The following PI15 variants were observed in gnomAD, a reference collection of about 807,000 sequenced individuals.
The protein encoded by PI15 is 25 kDa trypsin inhibitor.
PI15 carries 18 observed loss-of-function variants against 31.0 expected under a neutral mutation model. The ratio of observed to expected loss-of-function variants is 0.58; its 90% CI spans 0.40 to 0.86. PI15 has a LOEUF of 0.86. PI15 is among the 40% of genes least tolerant of loss of function. The pLI is 0.00. For missense variants in PI15, 282 were observed against 328.1 expected, an observed-to-expected ratio of 0.86 and a Z score of 1.09; for synonymous variants, 118 against 119.1, an observed-to-expected ratio of 0.99 and a Z score of 0.06.
At chr8:74,828,938 A>G (rs950776150) in intron 2 of PI15, among the ~76,000 whole-genome samples, 7 of 152,108 alleles carry the variant, frequency 4.6e-5, no homozygotes, top group African/African-American at 1.7e-4. Flanking sequence ...CCATGACCAC[A>G]GATGATTTAT....
At chr8:74,848,732 T>TATATATATAGAGAGAGAGAG (rs1191072583) in intron 5 of PI15, among the ~76,000 whole-genome samples, 2 of 136,352 alleles carry the variant, frequency 1.5e-5, no homozygotes, top group African/African-American at 5.5e-5. Flanking sequence ...TATATATATA[T>TATATATATAGAGAGAGAGAG]AGAGAGAGAG....
intron 2 of PI15, among the ~76,000 whole-genome samples, chr8:74,836,730 C>T (rs1004459450): frequency 1.9e-4 from 29 of 152,040 alleles, no homozygotes; most frequent in Non-Finnish European, 2.9e-5. Flanking sequence ...AGTAAGTGGT[C>T]AGGCATGCCA....
At chr8:74,840,075 T>C (rs1338832480) in intron 2 of PI15, among the ~76,000 whole-genome samples, 2 of 152,128 alleles carry the variant, frequency 1.3e-5, no homozygotes, top group African/African-American at 2.4e-5. Context: ...AAAATTTCTA[T>C]ATTTTTTGTT....
intron 2 of PI15, among the ~76,000 whole-genome samples, chr8:74,838,476 T>C (rs1476165363): frequency 6.6e-6 from 1 of 152,058 alleles, no homozygotes; most frequent in Non-Finnish European, 1.5e-5. Context: ...CTGGGTATAT[T>C]TCATGATGCG....
At chr8:74,831,135 A>T (rs1192251315) in intron 2 of PI15, among the ~76,000 whole-genome samples, 1 of 152,196 alleles carries the variant, frequency 6.6e-6, no homozygotes, top group East Asian at 1.9e-4. Context: ...AGGTAAGAAC[A>T]TTTTGTTTGT....
intron 2 of PI15, among the ~76,000 whole-genome samples, chr8:74,832,215 T>C (rs568164319): frequency 2.2e-4 from 34 of 152,260 alleles, no homozygotes; most frequent in African/African-American, 7.5e-4. Flanking sequence ...CCAAGGAGGA[T>C]GCCTCCGTTT....
At chr8:74,845,309 C>G in intron 4 of PI15, 49 bp downstream of exon 4, 1 of 1,587,950 alleles carries the variant, frequency 6.3e-7, no homozygotes, top group Non-Finnish European at 8.6e-7. Context: ...TTAAAATATG[C>G]TAATACTATT....
chr8:74,825,168 A>G, intron 1 of PI15, 42 bp from the exon 2 acceptor site: 2 of 1,216,356 alleles, frequency 1.6e-6, no homozygotes, highest in South Asian at 1.3e-5. Context: ...CTCTGGCCCT[A>G]TTTTTTTTCA....
intron 2 of PI15, among the ~76,000 whole-genome samples, chr8:74,838,949 G>A (rs1488493283): frequency 2.0e-5 from 3 of 152,168 alleles, no homozygotes; most frequent in Non-Finnish European, 2.9e-5. Context: ...AAAGACAGTT[G>A]ATAAGACAGC....
chr8:74,836,979 A>G (rs1356637861), intron 2 of PI15, among the ~76,000 whole-genome samples: 1 of 152,098 alleles, frequency 6.6e-6, no homozygotes, highest in Non-Finnish European at 1.5e-5. Flanking sequence ...TCAAGAGAGG[A>G]TTTTTACAAA....
intron 5 of PI15, 50 bp from the exon 6 acceptor site, chr8:74,849,067 TA>T (rs1342688271): frequency 3.2e-6 from 5 of 1,560,844 alleles, no homozygotes; most frequent in East Asian, 2.3e-5. Context: ...AATCTACTTT[TA>T]AAAAATGGGT....
At chr8:74,844,427 C>CTGTGTGTGTG (rs57644375) in intron 3 of PI15, among the ~76,000 whole-genome samples, 53 of 141,706 alleles carry the variant, frequency 3.7e-4, no homozygotes, top group Non-Finnish European at 6.6e-4. Context: ...TGTGCAGAGG[C>CTGTGTGTGTG]TGTGTGTGTG....
intron 2 of PI15, among the ~76,000 whole-genome samples, chr8:74,836,902 T>C (rs1203326433): frequency 6.6e-6 from 1 of 151,890 alleles, no homozygotes. Flanking sequence ...TGAAGACAAC[T>C]CTCTCAAGGA....
At chr8:74,828,207 T>C (rs1040959796) in intron 2 of PI15, among the ~76,000 whole-genome samples, 1 of 152,040 alleles carries the variant, frequency 6.6e-6, no homozygotes, top group African/African-American at 2.4e-5. Flanking sequence ...TGGTAAGGGT[T>C]TGATTTTTAA....
intron 3 of PI15, 31 bp downstream of exon 3, chr8:74,844,130 C>A (rs778474463): frequency 1.1e-6 from 1 of 927,160 alleles, no homozygotes; most frequent in South Asian, 1.3e-5. Context: ...TGCAGTTCAT[C>A]CACATGGCTT....
intron 2 of PI15, among the ~76,000 whole-genome samples, chr8:74,843,740 T>G (rs1478111182): frequency 1.3e-5 from 2 of 152,118 alleles, no homozygotes; most frequent in Non-Finnish European, 2.9e-5. Flanking sequence ...GATGTGCGCC[T>G]GTAATCCTAG....
intron 2 of PI15, among the ~76,000 whole-genome samples, chr8:74,833,751 G>A (rs140147227): frequency 2.3e-3 from 343 of 152,282 alleles, no homozygotes; most frequent in African/African-American, 3.2e-3. Context: ...TAAGTTTGGA[G>A]AGCGTAAGTA....
At chr8:74,835,863 T>G (rs905115343) in intron 2 of PI15, among the ~76,000 whole-genome samples, 2 of 152,250 alleles carry the variant, frequency 1.3e-5, no homozygotes, top group East Asian at 3.9e-4. Flanking sequence ...TTTCTCAAAA[T>G]TCTATTTTTC....
Position 74,825,218 on chromosome 8 carries a change from A to T in PI15, c.-32A>T, listed in dbSNP as rs1810674368. The T allele has an allele frequency of 1.2e-6, 2 of 1,605,848 alleles. No individual in the cohort carries two copies. The highest frequency in any genetic ancestry group is 2.7e-5 in the African/African-American group (2 of 74,486). On this transcript the variant is annotated 5_prime_UTR_variant, in exon 2 of 6. Transcript: ENST00000260113. The stretch of plus-strand genomic sequence containing the variant: ...ACCTTTCTGCTTTAAAGCAAAGTAA[A>T]CTCGGTGGCCTCTTCTTCTCCACCC...
Sources: gnomAD v4.1 joint callset for allele counts (sites outside exome capture counted in the v4.1 genomes callset) on GRCh38, gnomAD v4.1.1 for gene constraint, MANE v1.5 for transcripts, NCBI Gene and HGNC (gene_info 2026-07-23, HGNC 2026-07-21) for gene names.